KIF15: variants seen among roughly 807,000 people sequenced by gnomAD.
KIF15 encodes kinesin family member 15, also known as kinesin-like protein KIF15.
KIF15 carries 140 observed loss-of-function variants against 190.6 expected under a neutral mutation model. That is an observed-to-expected ratio of 0.73 (90% CI 0.64 to 0.84). KIF15 has a LOEUF of 0.84. KIF15 is among the 40% of genes least tolerant of loss of function. KIF15 has a pLI of 0.00. For missense variants in KIF15, 1,372 were observed against 1,584.4 expected (o/e 0.87, Z 2.28); for synonymous variants, 528 against 551.3 (o/e 0.96, Z 0.59).
chr3:44,829,745 A>G (rs1697961456), intron 24 of KIF15, among the ~76,000 whole-genome samples: 1 of 139,588 alleles, frequency 7.2e-6, no homozygotes, highest in Non-Finnish European at 1.5e-5. Context: ...TTATATATGT[A>G]TATATTATAG....
rs1342998595 is a variant in KIF15 at position 44,821,167 on chromosome 3, C to T, written c.2550-4872C>T. On this transcript the variant is annotated intron_variant, in intron 20 of 34. Transcript: ENST00000326047. The stretch of plus-strand genomic sequence containing the variant: ...CTCCCTCCCGGACGGGGCAGCTGGC[C>T]GGGCAGAGGGGCTCCTCACTTCCCA... Among the ~76,000 whole-genome samples the T allele has an allele frequency of 1.0e-4, 15 of 149,142 alleles. No individual in the cohort carries two copies. The South Asian group carries it at 2.1e-3, about 21-fold the overall frequency.
chr3:44,863,310 C>CCCA (rs1553668763), intron 6 of KIF15: 1 of 117,436 alleles, frequency 8.5e-6, no homozygotes, highest in Non-Finnish European at 2.0e-5. Context: ...ACCCCCCCCC[C>CCCA]CCGCCGCCTT....
chr3:44,858,897 G>A (rs917767334), intron 6 of KIF15, among the ~76,000 whole-genome samples: 21 of 152,340 alleles, frequency 1.4e-4, no homozygotes, highest in Non-Finnish European at 2.9e-4. Flanking sequence ...CTCGGTGTCC[G>A]TGACGGTCCA....
In KIF15 at chr3:44,852,732, T is replaced by G; in HGVS notation, c.4164T>G (p.Ser1388=). 1 of 1,599,334 alleles carries G rather than the reference T, an allele frequency of 6.3e-7. No homozygotes were observed. The highest frequency in any genetic ancestry group is 8.5e-7 in the Non-Finnish European group (1 of 1,175,256). The change falls in exon 35 of 35, where the codon TCT becomes TCG. Residue 1388 remains serine (S), a synonymous_variant. Coordinates refer to ENST00000326047, the MANE Select transcript of KIF15 (RefSeq NM_020242.3). The part of the protein sequence containing the change: ...VFLKEKKRSE[S] The stretch of plus-strand genomic sequence containing the variant: ...TAAAAGAAAAGAAAAGAAGTGAATC[T>G]TGAGGATTCCGGTCAGCTACCTAGG...
chr3:44,813,772 G>A (rs962188429), intron 19 of KIF15, among the ~76,000 whole-genome samples: 17 of 151,954 alleles, frequency 1.1e-4, no homozygotes, highest in Non-Finnish European at 4.4e-5. Context: ...GATTATAGGC[G>A]TGCACCACCA....
At chr3:44,841,717 A>T (rs1277811378) in intron 29 of KIF15, among the ~76,000 whole-genome samples, 1 of 152,150 alleles carries the variant, frequency 6.6e-6, no homozygotes, top group Non-Finnish European at 1.5e-5. Context: ...TTTTAAACTA[A>T]GCAGCATCCT....
chr3:44,845,205 TAG>T (rs1305733787), intron 30 of KIF15, among the ~76,000 whole-genome samples: 4 of 152,192 alleles, frequency 2.6e-5, no homozygotes, highest in Admixed American at 1.3e-4. Context: ...AAGAAATGGT[TAG>T]TACTTCAGCC....
At chr3:44,775,912 A>G (rs988089575) in intron 3 of KIF15, among the ~76,000 whole-genome samples, 7 of 151,700 alleles carry the variant, frequency 4.6e-5, no homozygotes, top group Admixed American at 6.6e-5. Flanking sequence ...AACCCCGTCT[A>G]TACTAAAAAT....
chr3:44,834,751 C>T (rs1232304564), intron 26 of KIF15, among the ~76,000 whole-genome samples: 2 of 150,000 alleles, frequency 1.3e-5, no homozygotes, highest in South Asian at 2.1e-4. Context: ...GGTGAAACCC[C>T]GTCTCTACTA....
intron 20 of KIF15, among the ~76,000 whole-genome samples, chr3:44,817,266 T>A (rs1172183728): frequency 6.6e-6 from 1 of 152,242 alleles, no homozygotes; most frequent in East Asian, 1.9e-4. Context: ...TTGTCTATTT[T>A]GTCTTTTGTT....
intron 29 of KIF15, among the ~76,000 whole-genome samples, chr3:44,841,673 C>T (rs1020851737): frequency 6.6e-6 from 1 of 152,178 alleles, no homozygotes; most frequent in Non-Finnish European, 1.5e-5. Flanking sequence ...GCTGGGATTA[C>T]AGGTGTGAGC....
chr3:44,822,789 A>T (rs549255145), intron 20 of KIF15, among the ~76,000 whole-genome samples: 1 of 152,180 alleles, frequency 6.6e-6, no homozygotes, highest in East Asian at 1.9e-4. Context: ...CTTCCACTTG[A>T]TCGAATCGAC....
rs1258414513 is a variant in KIF15 at position 44,840,337 on chromosome 3, T to A, written c.3319-18T>A. 8 of 1,468,146 alleles carry A rather than the reference T, an allele frequency of 5.4e-6. No individual in the cohort carries two copies. The highest frequency in any genetic ancestry group is 3.8e-6 in the Non-Finnish European group (4 of 1,056,820). The allele number at this position is 1,468,146 out of a possible 1,614,324, so 90.9% of individuals were successfully genotyped here. A position where few individuals can be genotyped will look rare whatever the true frequency, so the allele number is the denominator to read the frequency against. On this transcript the variant is annotated intron_variant, in intron 27 of 34. Transcript: ENST00000326047. ...CATATTACTAAGTTGTAACCTTGTATCTGTTCAATTTTCCCAGCTAAACCA... is the reference window on the plus strand; with the variant it reads ...CATATTACTAAGTTGTAACCTTGTAACTGTTCAATTTTCCCAGCTAAACCA...
rs761088785 is a variant in KIF15, at chr3:44,801,992, A to G, written c.1509+18A>G. 2.2e-5 allele frequency: 34 copies of G among 1,518,356 alleles called. No homozygotes were observed. The highest frequency in any genetic ancestry group is 1.7e-4 in the Middle Eastern group (1 of 5,744). 94.1% of individuals were successfully genotyped at this position (1,518,356 alleles called of 1,614,324 possible). A position where few individuals can be genotyped will look rare whatever the true frequency, so the allele number is the denominator to read the frequency against. On this transcript the variant is annotated intron_variant, in intron 13 of 34. Transcript: ENST00000326047. ...GAGAACAAGTGAGTATACGGCATCT[A>G]TAATATTTCTAAAAATAAAAGAAGT...
chr3:44,815,007 A>G lies in KIF15; in HGVS notation c.2480A>G (p.Asn827Ser), dbSNP rs77079961. Residue 827 changes from asparagine (N) to serine (S), a missense_variant, in exon 20 of 35, where the codon AAT becomes AGT. By Grantham distance (46) the Asn-to-Ser change is conservative. Transcript: ENST00000326047. ...VKLEYSSFKT[N>S]QEKEFNKLSE... The stretch of plus-strand genomic sequence containing the variant: ...TTGGAATATAGTTCATTCAAAACGA[A>G]TCAGGAGAAAGAATTCAACAAACTT... 6,417 of 1,613,066 alleles carry G rather than the reference A, an allele frequency of 4.0e-3. 164 individuals carry two copies. In the African/African-American group the frequency reaches 0.066, roughly 17 times the overall value.
intron 20 of KIF15, among the ~76,000 whole-genome samples, chr3:44,820,331 T>C (rs111402506): frequency 6.6e-6 from 1 of 150,590 alleles, no homozygotes; most frequent in Non-Finnish European, 1.5e-5. Context: ...AGTTTCTTTT[T>C]TTTTTCCTTT....
At chr3:44,853,631 C>G (rs777831711), downstream of KIF15, among the ~76,000 whole-genome samples, 3 of 152,162 alleles carry the variant, frequency 2.0e-5, no homozygotes, top group Non-Finnish European at 4.4e-5. Flanking sequence ...GCCTGTTTTC[C>G]AAATTTACCA....
Position 44,864,157 on chromosome 3 carries a change from C to T in KIF15, c.*60-9172C>T, listed in dbSNP as rs6808438. 5,547 of 1,611,360 alleles carry T rather than the reference C, an allele frequency of 3.4e-3. 142 individuals are homozygous for T. The African/African-American group carries it at 0.06, about 17-fold the overall frequency. ...CTTTGAGGGGGTCTGCAGGTTGCTG[C>T]CCAGGGTGGACGTGGCTGCAGTGAC... On this transcript the variant is annotated intron_variant and NMD_transcript_variant, in intron 6 of 6. Coordinates refer to the KIF15 transcript ENST00000422209.
intron 20 of KIF15, among the ~76,000 whole-genome samples, chr3:44,824,578 A>G (rs1697539694): frequency 1.3e-5 from 2 of 152,206 alleles, no homozygotes; most frequent in African/African-American, 4.8e-5. Flanking sequence ...CACTGGATCT[A>G]ATAATCTTGG....
Sources: allele counts gnomAD v4.1 joint callset (sites outside exome capture counted in the v4.1 genomes callset), GRCh38; gene constraint gnomAD v4.1.1; transcripts MANE v1.5; gene names NCBI Gene and HGNC (gene_info 2026-07-23, HGNC 2026-07-21).